The following CSRNP3 variants were observed in gnomAD, a reference collection of about 807,000 sequenced individuals.
CSRNP3 encodes the protein cysteine/serine-rich nuclear protein 3.
Under a neutral mutation model 48.0 loss-of-function variants are expected in CSRNP3, and 12 were observed. That is an observed-to-expected ratio of 0.25 (90% confidence interval 0.16 to 0.41). The LOEUF (loss-of-function observed/expected upper bound fraction) is 0.41, where lower values mean the gene tolerates loss of function less well. Among genes scored for constraint, CSRNP3 ranks in the 10% least tolerant of loss-of-function variants. CSRNP3 has a pLI of 1.00. For synonymous variants in CSRNP3, 263 were observed against 269.7 expected, an observed-to-expected ratio of 0.98 and a Z score of 0.24; for missense variants, 580 against 724.4, an observed-to-expected ratio of 0.80 and a Z score of 2.29.
At chr2:165,545,463 G>A (rs895366054) in intron 3 of CSRNP3, among the ~76,000 whole-genome samples, 12 of 152,142 alleles carry the variant, frequency 7.9e-5, no homozygotes, top group African/African-American at 2.7e-4. Context: ...TTGGCACAGA[G>A]GGGCAAGGAG....
At position 165,676,510 on chromosome 2, in the gene CSRNP3, C is replaced by T. The variant is rs867148664; in HGVS notation, c.607C>T (p.Arg203Ter). Residue 203 changes from arginine (R) to a stop codon, truncating the protein, a stop_gained, in exon 6 of 7, where the codon CGA (arginine) becomes TGA (stop). Coordinates refer to ENST00000651982, the MANE Select transcript of CSRNP3 (RefSeq NM_001172173.2). LOFTEE classifies it high-confidence loss of function. ...KIDVEEKHEL[R>*]AIRLSREDCG... Reference sequence around the variant, plus strand: ...TGACGTGGAAGAAAAGCACGAACTCCGAGCCATCCGCCTCTCACGAGAGGA... The same window carrying T: ...TGACGTGGAAGAAAAGCACGAACTCTGAGCCATCCGCCTCTCACGAGAGGA... 2 of 1,614,116 alleles carry T rather than the reference C, an allele frequency of 1.2e-6. No individual in the cohort carries two copies. Among genetic ancestry groups the T allele is most frequent in the South Asian group, 1.1e-5 (1 of 91,080 alleles).
intron 4 of CSRNP3, among the ~76,000 whole-genome samples, chr2:165,611,225 G>C (rs748936109): frequency 1.6e-4 from 25 of 152,090 alleles, no homozygotes; most frequent in Non-Finnish European, 2.6e-4. Flanking sequence ...GCAAGGGGAA[G>C]TATTGCAGAA....
chr2:165,582,829 A>G (rs970543441), intron 3 of CSRNP3, among the ~76,000 whole-genome samples: 4 of 152,184 alleles, frequency 2.6e-5, no homozygotes, highest in Admixed American at 2.6e-4. Flanking sequence ...ACTGCAAATC[A>G]TCAAACTGCG....
chr2:165,476,512 C>T (rs943287617), intron 1 of CSRNP3, among the ~76,000 whole-genome samples: 2 of 152,222 alleles, frequency 1.3e-5, no homozygotes, highest in Non-Finnish European at 2.9e-5. Flanking sequence ...TTACATGGAG[C>T]TATACTGTGG....
At chr2:165,591,238 C>A (rs917790001) in intron 3 of CSRNP3, among the ~76,000 whole-genome samples, 1 of 152,146 alleles carries the variant, frequency 6.6e-6, no homozygotes, top group Non-Finnish European at 1.5e-5. Context: ...AGCATTTTGT[C>A]ACTGCCCCAG....
Position 165,681,825 on chromosome 2 carries a change from G to GTATATA in CSRNP3, c.*2073_*2074insATATAT, listed in dbSNP as rs1372492845. ...TGTATGTGTGTGTGTGTGTGTGTGT[G>GTATATA]TGTGTATATATATATATCCCATGTT... On this transcript the variant is annotated 3_prime_UTR_variant, in exon 7 of 7. Transcript: ENST00000651982. 5.7e-5 allele frequency: 8 copies of GTATATA among 141,012 alleles called. No individual in the cohort carries two copies. Among genetic ancestry groups the GTATATA allele is most frequent in the African/African-American group, 2.1e-4 (8 of 37,886 alleles). 8.7% of individuals were successfully genotyped at this position (141,012 alleles called of 1,614,324 possible).
At chr2:165,585,304 A>C (rs1020566399) in intron 3 of CSRNP3, among the ~76,000 whole-genome samples, 1 of 151,136 alleles carries the variant, frequency 6.6e-6, no homozygotes, top group African/African-American at 2.4e-5. Context: ...TTCATCTTCT[A>C]TCTGGCCCAG....
intron 4 of CSRNP3, among the ~76,000 whole-genome samples, chr2:165,603,047 C>T (rs1685943217): frequency 1.3e-5 from 2 of 152,100 alleles, no homozygotes. Flanking sequence ...AGGCACCTGC[C>T]ATCGTGCCCG....
intron 3 of CSRNP3, among the ~76,000 whole-genome samples, chr2:165,521,646 T>G (rs1285863144): frequency 6.6e-6 from 1 of 152,178 alleles, no homozygotes; most frequent in Non-Finnish European, 1.5e-5. Flanking sequence ...AGCATTCTTA[T>G]TCTTCCATCG....
At chr2:165,645,992 G>A (rs1327791314) in intron 4 of CSRNP3, among the ~76,000 whole-genome samples, 1 of 151,894 alleles carries the variant, frequency 6.6e-6, no homozygotes, top group African/African-American at 2.4e-5. Flanking sequence ...TGATCCACCT[G>A]CATTGGCCTC....
chr2:165,582,408 A>G (rs1685563003), intron 3 of CSRNP3, among the ~76,000 whole-genome samples: 1 of 152,204 alleles, frequency 6.6e-6, no homozygotes, highest in South Asian at 2.1e-4. Flanking sequence ...GTATTCCTCA[A>G]GCCACAAAGT....
At chr2:165,559,082 G>C (rs1022114982) in intron 3 of CSRNP3, among the ~76,000 whole-genome samples, 1 of 152,210 alleles carries the variant, frequency 6.6e-6, no homozygotes, top group African/African-American at 2.4e-5. Context: ...CTGAGAGAGA[G>C]AGAGAGAGAG....
intron 5 of CSRNP3, among the ~76,000 whole-genome samples, chr2:165,667,903 C>T (rs1687261450): frequency 6.6e-6 from 1 of 152,240 alleles, no homozygotes; most frequent in African/African-American, 2.4e-5. Flanking sequence ...AACTGTTGTA[C>T]ATCTATAAAA....
Position 165,622,326 on chromosome 2 carries a change from T to A in CSRNP3, c.148+27113T>A, listed in dbSNP as rs1332155460. ...CTTGATATATACATTTTTGTAGGCA[T>A]CAAAATATTTGTGTTTCTAAAAATA... On this transcript the variant is annotated intron_variant, in intron 4 of 6. Transcript: ENST00000651982. 3.3e-5 allele frequency among the ~76,000 whole-genome samples: 5 copies of A among 152,294 alleles called. No individual in the cohort carries two copies. In the South Asian group the frequency reaches 1.0e-3, roughly 32 times the overall value.
chr2:165,617,699 C>G (rs1686272252), intron 4 of CSRNP3, among the ~76,000 whole-genome samples: 1 of 152,194 alleles, frequency 6.6e-6, no homozygotes, highest in South Asian at 2.1e-4. Context: ...GTGTGGTGGT[C>G]CCACAACTGG....
intron 2 of CSRNP3, among the ~76,000 whole-genome samples, chr2:165,506,592 C>G (rs561957230): frequency 2.6e-5 from 4 of 152,280 alleles, no homozygotes; most frequent in African/African-American, 9.6e-5. Context: ...TACATCGCCT[C>G]TTCCTTTGGG....
chr2:165,499,389 A>T (rs1022485473), intron 2 of CSRNP3, among the ~76,000 whole-genome samples: 1 of 152,282 alleles, frequency 6.6e-6, no homozygotes, highest in East Asian at 1.9e-4. Context: ...GCAGGAAGGA[A>T]TTAAACATGG....
intron 3 of CSRNP3, among the ~76,000 whole-genome samples, chr2:165,526,635 A>G (rs1366548991): frequency 6.6e-6 from 1 of 152,240 alleles, no homozygotes; most frequent in Non-Finnish European, 1.5e-5. Flanking sequence ...AACTTTGAGT[A>G]TACCCCTACT....
chr2:165,477,388 G>A lies in CSRNP3; in HGVS notation c.-283+7648G>A, dbSNP rs182366569. 2.3e-4 allele frequency among the ~76,000 whole-genome samples: 35 copies of A among 149,560 alleles called. No homozygotes were observed. The East Asian group carries it at 6.5e-3, about 28-fold the overall frequency. On this transcript the variant is annotated intron_variant, in intron 1 of 6. Transcript: ENST00000651982. ...AATCCCAGCACTTTGGGAGGCCGAG[G>A]CAGGCAGATCACATGAGGTCAGAAG...
Sources: allele counts gnomAD v4.1 joint callset (sites outside exome capture counted in the v4.1 genomes callset), GRCh38; gene constraint gnomAD v4.1.1; transcripts MANE v1.5; gene names NCBI Gene and HGNC (gene_info 2026-07-23, HGNC 2026-07-21).